Variants in CCDC60 observed in about 807,000 individuals in gnomAD.
CCDC60 encodes the protein coiled-coil domain containing 60, also known as coiled-coil domain-containing protein 60.
CCDC60 carries 54 observed loss-of-function variants against 63.5 expected under a neutral mutation model. The ratio of observed to expected loss-of-function variants is 0.85; its 90% confidence interval spans 0.68 to 1.07. The LOEUF (loss-of-function observed/expected upper bound fraction) is 1.07. CCDC60 is among the 50% of genes least tolerant of loss of function. CCDC60 has a pLI of 0.00. For synonymous variants in CCDC60, 206 were observed against 238.8 expected (o/e 0.86, Z 1.27); for missense variants, 651 against 684.3 (o/e 0.95, Z 0.54).
intron 1 of CCDC60, among the ~76,000 whole-genome samples, chr12:119,428,476 C>T (rs532461157): frequency 6.6e-6 from 1 of 152,252 alleles, no homozygotes; most frequent in Admixed American, 6.5e-5. Flanking sequence ...GGTCAGGGCT[C>T]AGGTCCATCT....
chr12:119,382,477 T>C (rs1956017905), intron 1 of CCDC60, among the ~76,000 whole-genome samples: 1 of 150,984 alleles, frequency 6.6e-6, no homozygotes, highest in African/African-American at 2.4e-5. Context: ...GATGAAGGGG[T>C]GGAGGGAAAA....
At chr12:119,382,327 G>A (rs1217264768) in intron 1 of CCDC60, among the ~76,000 whole-genome samples, 1 of 152,084 alleles carries the variant, frequency 6.6e-6, no homozygotes, top group Admixed American at 6.5e-5. Flanking sequence ...CCTGATGCTC[G>A]GCTGTGTGAC....
At position 119,512,352 on chromosome 12, in the gene CCDC60, TGA is replaced by T. The variant is rs1593196717; in HGVS notation, c.884-4268_884-4267del. ...ACTTTTACGTTTAGCAACTATTGAC[TGA>T]GACCCCATGTGCTAAGCATGCTGCC... On this transcript the variant is annotated intron_variant, in intron 7 of 13. Transcript: ENST00000327554. Among the ~76,000 whole-genome samples the T allele has an allele frequency of 2.0e-5, 3 of 152,362 alleles. 1 individual carries two copies. Among genetic ancestry groups the T allele is most frequent in the Admixed American group, 6.5e-5 (1 of 15,306 alleles).
chr12:119,393,487 G>T (rs988446452), intron 1 of CCDC60, among the ~76,000 whole-genome samples: 1 of 152,070 alleles, frequency 6.6e-6, no homozygotes, highest in African/African-American at 2.4e-5. Flanking sequence ...CTCCACCTAC[G>T]CCCTAGGCTC....
intron 6 of CCDC60, among the ~76,000 whole-genome samples, chr12:119,503,695 A>G (rs942591796): frequency 3.9e-5 from 6 of 152,150 alleles, no homozygotes; most frequent in Admixed American, 1.3e-4. Context: ...CCCCTCTTCT[A>G]GTGCAAGAAG....
intron 2 of CCDC60, among the ~76,000 whole-genome samples, chr12:119,450,856 CA>C (rs761740089): frequency 1.3e-4 from 11 of 85,482 alleles, no homozygotes; most frequent in Admixed American, 2.5e-4. Flanking sequence ...GACTCCATCT[CA>C]AAAAAAAAAA....
chr12:119,374,356 C>T (rs903948030), intron 1 of CCDC60, among the ~76,000 whole-genome samples: 2 of 152,174 alleles, frequency 1.3e-5, no homozygotes, highest in African/African-American at 4.8e-5. Flanking sequence ...TTACTCTCCT[C>T]CTTTTTAAAG....
intron 13 of CCDC60, among the ~76,000 whole-genome samples, chr12:119,532,053 G>C (rs1952857615): frequency 6.6e-6 from 1 of 152,192 alleles, no homozygotes; most frequent in Non-Finnish European, 1.5e-5. Flanking sequence ...CCCTTCCACA[G>C]AATGACCTGG....
intron 1 of CCDC60, among the ~76,000 whole-genome samples, chr12:119,381,591 C>T (rs964288039): frequency 1.3e-5 from 2 of 152,240 alleles, no homozygotes; most frequent in East Asian, 1.9e-4. Flanking sequence ...CTGCTCCCTA[C>T]TGTGGCCTTC....
chr12:119,425,748 T>C (rs1401783467), intron 1 of CCDC60, among the ~76,000 whole-genome samples: 1 of 152,198 alleles, frequency 6.6e-6, no homozygotes, highest in Non-Finnish European at 1.5e-5. Context: ...AAAGAGAACA[T>C]CTCTGCCTGT....
intron 2 of CCDC60, among the ~76,000 whole-genome samples, chr12:119,466,560 C>T (rs1258303090): frequency 6.6e-6 from 1 of 152,202 alleles, no homozygotes; most frequent in East Asian, 1.9e-4. Context: ...ACCCACCACA[C>T]CATTCCCTTC....
intron 1 of CCDC60, among the ~76,000 whole-genome samples, chr12:119,360,323 G>C (rs1217918380): frequency 6.7e-6 from 1 of 148,732 alleles, no homozygotes; most frequent in East Asian, 2.1e-4. Context: ...CGGACTGGGC[G>C]GCTGGCCAGG....
intron 2 of CCDC60, among the ~76,000 whole-genome samples, chr12:119,451,960 CT>C (rs969656688): frequency 9.9e-5 from 15 of 152,272 alleles, no homozygotes; most frequent in African/African-American, 3.6e-4. Flanking sequence ...ATCTTTTCTT[CT>C]TCACTGAATC....
intron 1 of CCDC60, among the ~76,000 whole-genome samples, chr12:119,342,315 C>G (rs1036141791): frequency 6.6e-6 from 1 of 152,194 alleles, no homozygotes; most frequent in Non-Finnish European, 1.5e-5. Context: ...GACCTATTTT[C>G]TCTATTTCTA....
intron 1 of CCDC60, among the ~76,000 whole-genome samples, chr12:119,393,048 C>G (rs1956188654): frequency 6.6e-6 from 1 of 152,124 alleles, no homozygotes; most frequent in South Asian, 2.1e-4. Flanking sequence ...CCTATGGTCC[C>G]AGTTACTTAG....
At position 119,486,950 on chromosome 12, in the gene CCDC60, C is replaced by A. The variant is rs184898401; in HGVS notation, c.450-1809C>A. On this transcript the variant is annotated intron_variant, in intron 4 of 13. Coordinates refer to ENST00000327554, the MANE Select transcript of CCDC60 (RefSeq NM_178499.5). ...ATGCAGTTTCAGAGAAGAGCAATTA[C>A]ACAGGTTCTTAATGGAGGCATCTGG... Among the ~76,000 whole-genome samples, 17 of 152,228 alleles carry A rather than the reference C, an allele frequency of 1.1e-4. No individual in the cohort carries two copies. In the East Asian group the frequency reaches 2.1e-3, roughly 19 times the overall value.
chr12:119,441,113 A>C (rs534032760), intron 2 of CCDC60, among the ~76,000 whole-genome samples: 3 of 152,322 alleles, frequency 2.0e-5, no homozygotes, highest in South Asian at 2.1e-4. Context: ...TATTCACCAG[A>C]TACCCCATAT....
intron 1 of CCDC60, among the ~76,000 whole-genome samples, chr12:119,344,855 T>TCTCTCACACACACA (rs1232194303): frequency 8.7e-6 from 1 of 114,800 alleles, no homozygotes; most frequent in Non-Finnish European, 1.7e-5. Flanking sequence ...TCTCTCTCTC[T>TCTCTCACACACACA]CACACACACA....
chr12:119,479,995 T>TACACACAC lies in CCDC60; in HGVS notation c.449+837_449+844dup, dbSNP rs56080581. On this transcript the variant is annotated intron_variant, in intron 4 of 13. Coordinates refer to ENST00000327554, the MANE Select transcript of CCDC60 (RefSeq NM_178499.5). Reference sequence around the variant, plus strand: ...GTGCATGAGCCCCCACCGTACATCATACACACACACACACACACACACACA... The same window carrying TACACACAC: ...GTGCATGAGCCCCCACCGTACATCATACACACACACACACACACACACACACACACACA... Among the ~76,000 whole-genome samples, 915 of 122,054 alleles carry TACACACAC rather than the reference T, an allele frequency of 7.5e-3. 6 individuals are homozygous for TACACACAC. The highest frequency in any genetic ancestry group is 0.01 in the Non-Finnish European group (586 of 58,188). The allele number at this position is 122,054 out of a possible 152,430, so 80.1% of individuals were successfully genotyped here.
Sources: gnomAD v4.1 joint callset for allele counts (sites outside exome capture counted in the v4.1 genomes callset) on GRCh38, gnomAD v4.1.1 for gene constraint, MANE v1.5 for transcripts, NCBI Gene and HGNC (gene_info 2026-07-23, HGNC 2026-07-21) for gene names.